Variants in GAS2 observed in about 807,000 individuals in gnomAD.
The protein encoded by GAS2 is growth arrest-specific protein 2.
A neutral mutation model predicts 37.5 loss-of-function variants in GAS2; 20 were observed. That is an observed-to-expected ratio of 0.53 (90% CI 0.37 to 0.77). GAS2 has a LOEUF of 0.77. GAS2 is among the 30% of genes least tolerant of loss of function. The pLI, the probability that GAS2 is intolerant of heterozygous loss-of-function variation, is 0.00. For missense variants in GAS2, 336 were observed against 373.4 expected (o/e 0.90, Z 0.82); for synonymous variants, 144 against 132.2 (o/e 1.09, Z -0.61).
rs3763949 is a variant in GAS2 at position 22,785,642 on chromosome 11, T to G, written c.724-26156T>G. 3.4e-4 allele frequency among the ~76,000 whole-genome samples: 52 copies of G among 152,256 alleles called. No homozygotes were observed. The East Asian group carries it at 0.01, about 29-fold the overall frequency. ...GTGGGGGACTCTTTGCTAAGCATGT[T>G]TCTACCTTTTTTTTAAACTATATCT... On this transcript the variant is annotated intron_variant, in intron 7 of 7. Transcript: ENST00000454584.
At chr11:22,652,786 A>G (rs1410091989) in intron 1 of GAS2, among the ~76,000 whole-genome samples, 4 of 152,140 alleles carry the variant, frequency 2.6e-5, no homozygotes, top group Admixed American at 6.5e-5. Context: ...CGGCTCGCAC[A>G]CGGTGCGCGC....
intron 3 of GAS2, among the ~76,000 whole-genome samples, chr11:22,710,622 A>G (rs1267319142): frequency 6.6e-6 from 1 of 151,960 alleles, no homozygotes; most frequent in East Asian, 1.9e-4. Flanking sequence ...CATCAATTTG[A>G]TTATCTATAA....
At chr11:22,727,360 T>A (rs901050445) in intron 4 of GAS2, among the ~76,000 whole-genome samples, 6 of 152,050 alleles carry the variant, frequency 3.9e-5, no homozygotes, top group Non-Finnish European at 7.4e-5. Context: ...AAGGTGAGCA[T>A]CCTTCAGAGA....
At chr11:22,713,757 G>T (rs781085489) in intron 3 of GAS2, among the ~76,000 whole-genome samples, 1 of 152,106 alleles carries the variant, frequency 6.6e-6, no homozygotes, top group Admixed American at 6.6e-5. Context: ...AGCAAACTAA[G>T]CTTCATACAT....
chr11:22,681,732 T>G (rs1167083245), intron 2 of GAS2, among the ~76,000 whole-genome samples: 1 of 152,218 alleles, frequency 6.6e-6, no homozygotes, highest in African/African-American at 2.4e-5. Context: ...GTAACAGAGA[T>G]ATTTACCTTT....
intron 1 of GAS2, among the ~76,000 whole-genome samples, chr11:22,667,952 G>A (rs1849048923): frequency 6.6e-6 from 1 of 152,182 alleles, no homozygotes; most frequent in Admixed American, 6.5e-5. Flanking sequence ...AACAAGGTTA[G>A]ATCAGTTGTG....
At chr11:22,705,631 AACCATAACAT>A (rs1851078499) in intron 3 of GAS2, among the ~76,000 whole-genome samples, 1 of 152,222 alleles carries the variant, frequency 6.6e-6, no homozygotes, top group Non-Finnish European at 1.5e-5. Flanking sequence ...ACTTTCGTTT[AACCATAACAT>A]ACATTACAAT....
chr11:22,679,826 A>C (rs1229403570), intron 2 of GAS2, among the ~76,000 whole-genome samples: 1 of 101,536 alleles, frequency 9.8e-6, no homozygotes, highest in African/African-American at 2.6e-5. Flanking sequence ...ACTTTGAATA[A>C]ATCATCAGAT....
At chr11:22,660,902 G>T (rs1253918172) in intron 1 of GAS2, among the ~76,000 whole-genome samples, 1 of 152,046 alleles carries the variant, frequency 6.6e-6, no homozygotes, top group African/African-American at 2.4e-5. Flanking sequence ...TCCATTATTT[G>T]GAACTACCAA....
intron 7 of GAS2, among the ~76,000 whole-genome samples, chr11:22,793,586 A>G (rs1183704654): frequency 6.6e-6 from 1 of 152,196 alleles, no homozygotes; most frequent in Non-Finnish European, 1.5e-5. Context: ...GAGAAATAGG[A>G]AGAACAGGGA....
At chr11:22,694,908 G>A (rs957291260) in intron 3 of GAS2, among the ~76,000 whole-genome samples, 20 of 152,104 alleles carry the variant, frequency 1.3e-4, no homozygotes, top group African/African-American at 4.8e-4. Context: ...GTATATTGAG[G>A]CTTTGTAACT....
At chr11:22,810,923 A>G (rs1378288480) in intron 7 of GAS2, among the ~76,000 whole-genome samples, 1 of 152,196 alleles carries the variant, frequency 6.6e-6, no homozygotes, top group East Asian at 1.9e-4. Context: ...TCCTCTTCCC[A>G]ACATTACAGT....
chr11:22,808,873 G>A (rs1590154991), intron 7 of GAS2, among the ~76,000 whole-genome samples: 1 of 152,324 alleles, frequency 6.6e-6, no homozygotes, highest in Non-Finnish European at 1.5e-5. Context: ...TAAGACACAT[G>A]CAGAAACTTG....
At position 22,692,535 on chromosome 11, in the gene GAS2, G is replaced by A. The variant is rs1850297006; in HGVS notation, c.267+6746G>A. On this transcript the variant is annotated intron_variant, in intron 3 of 7. Coordinates refer to ENST00000454584, the MANE Select transcript of GAS2 (RefSeq NM_001143830.3). ...AAGGCAGGAAGACACGAAGTAGGGAGGATGCTTCCAGGTCACTGACAGATG... is the reference window on the plus strand; with the variant it reads ...AAGGCAGGAAGACACGAAGTAGGGAAGATGCTTCCAGGTCACTGACAGATG... 3.9e-5 allele frequency among the ~76,000 whole-genome samples: 6 copies of A among 152,172 alleles called. No individual in the cohort carries two copies. The South Asian group carries it at 1.2e-3, about 32-fold the overall frequency.
In GAS2 at chr11:22,637,759, A is replaced by G. The variant is rs951872683; in HGVS notation, c.-21+11946A>G. Among the ~76,000 whole-genome samples, 25 of 144,804 alleles carry G rather than the reference A, an allele frequency of 1.7e-4. 1 individual carries two copies. Among genetic ancestry groups the G allele is most frequent in the African/African-American group, 5.0e-5 (2 of 39,876 alleles). The allele number at this position is 144,804 out of a possible 152,430, so 95.0% of individuals were successfully genotyped here. On this transcript the variant is annotated intron_variant, in intron 1 of 5. Transcript: ENST00000528582. ...ATTATTTATATTTAAATGTAAATTA[A>G]TTTATATTTATATATTATTCATATA... is the stretch of plus-strand genomic sequence containing the variant.
chr11:22,756,813 A>G (rs1271750585), intron 7 of GAS2, among the ~76,000 whole-genome samples: 2 of 152,166 alleles, frequency 1.3e-5, no homozygotes, highest in African/African-American at 4.8e-5. Flanking sequence ...GGATATAACA[A>G]TGTGTTATTA....
At position 22,749,015 on chromosome 11, in the gene GAS2, TAA is replaced by T. The variant is rs1294136780; in HGVS notation, c.474-102_474-101del. 4 of 1,131,246 alleles carry T rather than the reference TAA, an allele frequency of 3.5e-6. No homozygotes were observed. In the African/African-American group the frequency reaches 6.3e-5, roughly 18 times the overall value. 70.1% of individuals were successfully genotyped at this position (1,131,246 alleles called of 1,614,324 possible). ...CCAGAAAAAAAGTGAATGTTATTTTTAAAAGTCAGTGATTTACTCCCATGGTG... is the reference window on the plus strand; with the variant it reads ...CCAGAAAAAAAGTGAATGTTATTTTTAAGTCAGTGATTTACTCCCATGGTG... On this transcript the variant is annotated intron_variant, in intron 5 of 7. Coordinates refer to ENST00000454584, the MANE Select transcript of GAS2 (RefSeq NM_001143830.3).
intron 5 of GAS2, among the ~76,000 whole-genome samples, chr11:22,739,829 C>A (rs534996082): frequency 6.6e-6 from 1 of 151,816 alleles, no homozygotes; most frequent in Non-Finnish European, 1.5e-5. Flanking sequence ...ATCAGATAAG[C>A]CTCTTGCTTC....
intron 1 of GAS2, 79 bp from the exon 2 acceptor site, chr11:22,674,771 T>C: frequency 8.9e-7 from 1 of 1,117,386 alleles, no homozygotes; most frequent in Non-Finnish European, 1.3e-6. Flanking sequence ...GCGGATCCAG[T>C]TCATTATAAT....
Sources: allele counts gnomAD v4.1 joint callset (sites outside exome capture counted in the v4.1 genomes callset), GRCh38; gene constraint gnomAD v4.1.1; transcripts MANE v1.5; gene names NCBI Gene and HGNC (gene_info 2026-07-23, HGNC 2026-07-21).